Variants in CAV1 observed in about 807,000 individuals in gnomAD.
CAV1 encodes caveolin 1.
A neutral mutation model predicts 16.5 loss-of-function variants in CAV1; 10 were observed. The observed-to-expected ratio is 0.61, with a 90% CI of 0.37 to 1.03. The LOEUF (loss-of-function observed/expected upper bound fraction) is 1.03. Ranked by LOEUF, CAV1 falls within the 50% of genes least tolerant of loss-of-function variation. The pLI, the probability that CAV1 is intolerant of heterozygous loss-of-function variation, is 0.01. For synonymous variants in CAV1, 76 were observed against 85.1 expected (o/e 0.89, Z 0.59); for missense variants, 212 against 232.8 (o/e 0.91, Z 0.58).
chr7:116,549,023 A>C (rs555927789), intron 2 of CAV1, among the ~76,000 whole-genome samples: 1 of 152,304 alleles, frequency 6.6e-6, no homozygotes, highest in East Asian at 1.9e-4. Flanking sequence ...CCAGAAAAGA[A>C]AACACAGTCA....
intron 1 of CAV1, 134 bp from the exon 2 acceptor site, chr7:116,526,391 T>A: frequency 6.5e-7 from 1 of 1,537,910 alleles, no homozygotes; most frequent in Non-Finnish European, 8.7e-7. Context: ...TCGGAGCGGT[T>A]AGTTCGATTT....
chr7:116,531,928 G>A (rs971431759), intron 2 of CAV1, among the ~76,000 whole-genome samples: 2 of 152,316 alleles, frequency 1.3e-5, no homozygotes, highest in African/African-American at 4.8e-5. Context: ...CTGAGCAAAG[G>A]ATGATACCAA....
chr7:116,545,786 G>T (rs1396879885), intron 2 of CAV1, among the ~76,000 whole-genome samples: 1 of 152,202 alleles, frequency 6.6e-6, no homozygotes, highest in Non-Finnish European at 1.5e-5. Context: ...TGATAGAAAA[G>T]AAAGAGCTTT....
Position 116,558,943 on chromosome 7 carries a change from T to C in CAV1, c.196-3T>C, listed in dbSNP as rs199760816. 6.2e-7 allele frequency: 1 copy of C among 1,610,352 alleles called. No individual in the cohort carries two copies. The highest frequency in any genetic ancestry group is 8.5e-7 in the Non-Finnish European group (1 of 1,176,972). ...CTCATGTTGTGTCACTTCTTCCTTTTAGATTGACTTTGAAGATGTGATTGC... is the reference window on the plus strand; with the variant it reads ...CTCATGTTGTGTCACTTCTTCCTTTCAGATTGACTTTGAAGATGTGATTGC... On this transcript the variant is annotated splice_polypyrimidine_tract_variant and splice_region_variant and intron_variant, in intron 2 of 2. Coordinates refer to ENST00000341049, the MANE Select transcript of CAV1 (RefSeq NM_001753.5).
At chr7:116,536,184 A>G (rs921464961) in intron 2 of CAV1, among the ~76,000 whole-genome samples, 4 of 152,126 alleles carry the variant, frequency 2.6e-5, no homozygotes, top group African/African-American at 9.7e-5. Flanking sequence ...ACAAGAAGCA[A>G]AGGAAAAAAG....
intron 2 of CAV1, among the ~76,000 whole-genome samples, chr7:116,534,544 C>T (rs1174903730): frequency 2.0e-5 from 3 of 149,670 alleles, no homozygotes; most frequent in South Asian, 2.2e-4. Context: ...GGACTACAGG[C>T]GCCCGCCACC....
chr7:116,553,883 C>G (rs1159884646), intron 2 of CAV1, among the ~76,000 whole-genome samples: 1 of 152,162 alleles, frequency 6.6e-6, no homozygotes, highest in African/African-American at 2.4e-5. Flanking sequence ...TGTGGGACCT[C>G]TTGATAGCCT....
intron 2 of CAV1, among the ~76,000 whole-genome samples, chr7:116,548,187 A>T (rs1794092198): frequency 6.6e-6 from 1 of 152,242 alleles, no homozygotes; most frequent in African/African-American, 2.4e-5. Context: ...CTGATTCATA[A>T]TCTCAAGTCC....
chr7:116,531,157 G>T (rs979060239), intron 2 of CAV1, among the ~76,000 whole-genome samples: 1 of 152,140 alleles, frequency 6.6e-6, no homozygotes, highest in Non-Finnish European at 1.5e-5. Flanking sequence ...TTTTTACATA[G>T]TTACTGCCCA....
intron 2 of CAV1, among the ~76,000 whole-genome samples, chr7:116,536,239 G>C (rs1289808016): frequency 1.3e-5 from 2 of 152,096 alleles, no homozygotes; most frequent in African/African-American, 4.8e-5. Flanking sequence ...GCTCCATTAT[G>C]GACTGGGCTG....
At chr7:116,534,401 T>C (rs1190771180) in intron 2 of CAV1, among the ~76,000 whole-genome samples, 3 of 20,794 alleles carry the variant, frequency 1.4e-4, no homozygotes, top group African/African-American at 2.6e-4. Flanking sequence ...ATATATTTTT[T>C]TTTTTTTTTT....
chr7:116,544,099 C>G (rs184480832), intron 2 of CAV1, among the ~76,000 whole-genome samples: 2 of 152,272 alleles, frequency 1.3e-5, no homozygotes, highest in South Asian at 2.1e-4. Flanking sequence ...ATCATCTCCA[C>G]GGGCAGAGCT....
chr7:116,526,295 A>G (rs1793556714), intron 1 of CAV1: 2 of 1,333,522 alleles, frequency 1.5e-6, no homozygotes, highest in African/African-American at 3.0e-5. Flanking sequence ...CGCCCTGCAG[A>G]GTACAGAGGG....
At chr7:116,538,522 T>C (rs1159568350) in intron 2 of CAV1, among the ~76,000 whole-genome samples, 2 of 152,234 alleles carry the variant, frequency 1.3e-5, no homozygotes, top group Non-Finnish European at 2.9e-5. Flanking sequence ...TTCACAGATC[T>C]CTCTTCCTTG....
rs1442718527 is a variant in CAV1, at chr7:116,560,892, T to G, written c.*1605T>G. 6.6e-6 allele frequency: 1 copy of G among 152,632 alleles called. No homozygotes were observed. The highest frequency in any genetic ancestry group is 1.5e-5 in the Non-Finnish European group (1 of 68,032). 9.5% of individuals were successfully genotyped at this position (152,632 alleles called of 1,614,324 possible). On this transcript the variant is annotated 3_prime_UTR_variant, in exon 3 of 3. Coordinates refer to ENST00000341049, the MANE Select transcript of CAV1 (RefSeq NM_001753.5). ...CATGGATATAGTTTTACTTTTAAAC[T>G]GTGTACATAACTGAAAATGTGCTAT...
chr7:116,526,741 T>A, intron 2 of CAV1, 52 bp downstream of exon 2: 1 of 1,607,764 alleles, frequency 6.2e-7, no homozygotes, highest in East Asian at 2.2e-5. Context: ...CCTCTGGCAG[T>A]TAGCCCGTGC....
At chr7:116,546,709 A>C (rs1221121112) in intron 2 of CAV1, among the ~76,000 whole-genome samples, 1 of 150,582 alleles carries the variant, frequency 6.6e-6, no homozygotes, top group Non-Finnish European at 1.5e-5. Context: ...AAAAAAAAAA[A>C]AAAAAGTCTG....
At chr7:116,555,594 A>AGGGAGGGAGGG (rs1562838664) in intron 2 of CAV1, among the ~76,000 whole-genome samples, 1 of 101,900 alleles carries the variant, frequency 9.8e-6, no homozygotes, top group African/African-American at 3.7e-5. Flanking sequence ...GAAAGAAAGA[A>AGGGAGGGAGGG]AGAAAGAAAG....
chr7:116,542,072 G>A (rs1793952179), intron 2 of CAV1, among the ~76,000 whole-genome samples: 1 of 152,196 alleles, frequency 6.6e-6, no homozygotes, highest in African/African-American at 2.4e-5. Flanking sequence ...GGTTGAAAAT[G>A]CAAGTGGTAA....
Sources: gnomAD v4.1 joint callset for allele counts (sites outside exome capture counted in the v4.1 genomes callset) on GRCh38, gnomAD v4.1.1 for gene constraint, MANE v1.5 for transcripts, NCBI Gene and HGNC (gene_info 2026-07-23, HGNC 2026-07-21) for gene names.